The following MTHFD1 variants were observed in gnomAD, a reference collection of about 807,000 sequenced individuals.
The protein encoded by MTHFD1 is methylenetetrahydrofolate dehydrogenase, cyclohydrolase and formyltetrahydrofolate synthetase 1.
A neutral mutation model predicts 110.3 loss-of-function variants in MTHFD1; 44 were observed. That is an observed-to-expected ratio of 0.40 (90% CI 0.31 to 0.51). MTHFD1 has a LOEUF of 0.51. Ranked by LOEUF, MTHFD1 falls within the 20% of genes least tolerant of loss-of-function variation. MTHFD1 has a pLI of 0.60. For missense variants in MTHFD1, 909 were observed against 1,173.1 expected (o/e 0.77, Z 3.29); for synonymous variants, 402 against 428.8 (o/e 0.94, Z 0.77).
intron 1 of MTHFD1, among the ~76,000 whole-genome samples, chr14:64,396,342 TA>T (rs1271630417): frequency 6.6e-6 from 1 of 152,142 alleles, no homozygotes; most frequent in East Asian, 1.9e-4. Flanking sequence ...CAATCACAAT[TA>T]TTTTTACAAG....
chr14:64,400,668 G>T, intron 1 of MTHFD1, 125 bp from the exon 2 acceptor site: 1 of 712,044 alleles, frequency 1.4e-6, no homozygotes, highest in South Asian at 1.5e-5. Context: ...CAGCCTGGGT[G>T]ACAGAGCGAG....
intron 2 of MTHFD1, among the ~76,000 whole-genome samples, chr14:64,406,127 C>T (rs941928901): frequency 5.3e-5 from 8 of 151,542 alleles, no homozygotes; most frequent in Non-Finnish European, 1.0e-4. Context: ...CAACCTCCAC[C>T]TCCTGGGTTC....
chr14:64,415,735 G>A lies in MTHFD1; in HGVS notation c.474G>A (p.Glu158=), dbSNP rs928466889. ...TPKGCLELIK[E]TGVPIAGRHA... ...AGGGATGCTTGGAACTCATCAAAGAGACAGGTAAAAACAACAAACCAAACA... is the reference window on the plus strand; with the variant it reads ...AGGGATGCTTGGAACTCATCAAAGAAACAGGTAAAAACAACAAACCAAACA... The change falls in exon 6 of 28, where the codon GAG becomes GAA. Residue 158 remains glutamate (E), a synonymous_variant. Coordinates refer to ENST00000652337, the MANE Select transcript of MTHFD1 (RefSeq NM_005956.4). 3.7e-6 allele frequency: 6 copies of A among 1,613,842 alleles called. No individual in the cohort carries two copies. The African/African-American group carries it at 8.0e-5, about 22-fold the overall frequency.
At chr14:64,427,043 CTTTG>C (rs1338292321) in intron 11 of MTHFD1, among the ~76,000 whole-genome samples, 3 of 151,644 alleles carry the variant, frequency 2.0e-5, no homozygotes, top group Admixed American at 6.6e-5. Flanking sequence ...CTTTCTTTTT[CTTTG>C]TCTTTTCTTT....
chr14:64,452,918 G>C (rs1358149928), intron 24 of MTHFD1, among the ~76,000 whole-genome samples: 1 of 151,660 alleles, frequency 6.6e-6, no homozygotes, highest in Non-Finnish European at 1.5e-5. Flanking sequence ...ACAGAGTGTT[G>C]CTATGTTGCC....
chr14:64,440,744 A>G (rs2078241120), intron 18 of MTHFD1: 1 of 252,610 alleles, frequency 4.0e-6, no homozygotes, highest in South Asian at 4.8e-5. Context: ...CAGAGTTACA[A>G]ATAACTGAGT....
At chr14:64,423,495 A>C (rs375113577) in intron 8 of MTHFD1, among the ~76,000 whole-genome samples, 254 of 150,398 alleles carry the variant, frequency 1.7e-3, no homozygotes, top group African/African-American at 5.8e-3. Context: ...CCCGGGTTCA[A>C]GTGAGTCTCC....
chr14:64,456,346 G>A (rs11849167), intron 26 of MTHFD1, among the ~76,000 whole-genome samples: 3,901 of 152,312 alleles, frequency 0.026, 59 homozygotes, highest in Middle Eastern at 0.054. Flanking sequence ...GGGCCTTAAC[G>A]AGACTCAGAT....
intron 15 of MTHFD1, among the ~76,000 whole-genome samples, chr14:64,434,529 C>G (rs1045608259): frequency 6.6e-6 from 1 of 152,172 alleles, no homozygotes; most frequent in African/African-American, 2.4e-5. Context: ...ATAATCTAGC[C>G]TAAGTGACAG....
At chr14:64,442,591 C>T (rs891807495) in intron 21 of MTHFD1, among the ~76,000 whole-genome samples, 189 bp downstream of exon 21, 2 of 152,218 alleles carry the variant, frequency 1.3e-5, no homozygotes, top group African/African-American at 4.8e-5. Flanking sequence ...CAGCGCTCAG[C>T]ATTTTAAGAG....
At chr14:64,409,642 C>T (rs1306802412) in intron 2 of MTHFD1, among the ~76,000 whole-genome samples, 9 of 151,480 alleles carry the variant, frequency 5.9e-5, no homozygotes, top group Non-Finnish European at 1.0e-4. Context: ...ATGAGAGGCA[C>T]GAAAAGTCTA....
In MTHFD1 at chr14:64,444,941, T is replaced by G; in HGVS notation, c.2178+207T>G. ...CAAAATAGAATTGTCCCACATAGGG[T>G]GTCAATAAGCCACTGCCCTAGACCA... On this transcript the variant is annotated intron_variant, in intron 22 of 27. Transcript: ENST00000652337. The G allele has an allele frequency of 6.6e-6, 4 of 606,844 alleles. 1 individual carries two copies. Among genetic ancestry groups the G allele is most frequent in the Non-Finnish European group, 1.2e-5 (4 of 334,686 alleles). 37.6% of individuals were successfully genotyped at this position (606,844 alleles called of 1,614,324 possible).
intron 15 of MTHFD1, among the ~76,000 whole-genome samples, chr14:64,433,502 C>T (rs2078178102): frequency 6.6e-6 from 1 of 152,116 alleles, no homozygotes; most frequent in African/African-American, 2.4e-5. Context: ...ACTACAGCCT[C>T]AACCTCCAGG....
At chr14:64,390,328 A>C (rs1191616793) in intron 1 of MTHFD1, 2 of 129,212 alleles carry the variant, frequency 1.5e-5, no homozygotes, top group African/African-American at 5.3e-5. Context: ...TTTTTTTTTT[A>C]CATGGTAGCT....
intron 8 of MTHFD1, among the ~76,000 whole-genome samples, chr14:64,420,949 C>T (rs1366941563): frequency 6.6e-6 from 1 of 152,162 alleles, no homozygotes; most frequent in Non-Finnish European, 1.5e-5. Flanking sequence ...TAGGGCAAAA[C>T]TTGCGTACGT....
At chr14:64,432,595 A>C (rs1479063280) in intron 15 of MTHFD1, among the ~76,000 whole-genome samples, 1 of 152,252 alleles carries the variant, frequency 6.6e-6, no homozygotes, top group Non-Finnish European at 1.5e-5. Context: ...TGGGTGAAAG[A>C]AGCCAGTCTC....
chr14:64,422,779 T>A (rs1184480049), intron 8 of MTHFD1, among the ~76,000 whole-genome samples: 1 of 152,150 alleles, frequency 6.6e-6, no homozygotes, highest in Non-Finnish European at 1.5e-5. Context: ...TGGGGGTAGA[T>A]AACCAAAAGG....
At chr14:64,409,880 T>C (rs776308628) in intron 2 of MTHFD1, among the ~76,000 whole-genome samples, 7 of 152,098 alleles carry the variant, frequency 4.6e-5, no homozygotes, top group Non-Finnish European at 7.4e-5. Flanking sequence ...CAGAAAATCC[T>C]GTGTTACAAA....
chr14:64,407,485 G>T (rs1423266514), intron 2 of MTHFD1, among the ~76,000 whole-genome samples: 1 of 150,478 alleles, frequency 6.6e-6, no homozygotes, highest in African/African-American at 2.4e-5. Flanking sequence ...AAAAGTTTCT[G>T]GTAAGGTGAT....
Sources: allele counts gnomAD v4.1 joint callset (sites outside exome capture counted in the v4.1 genomes callset), GRCh38; gene constraint gnomAD v4.1.1; transcripts MANE v1.5; gene names NCBI Gene and HGNC (gene_info 2026-07-23, HGNC 2026-07-21).